Variants in STON2 observed in about 807,000 individuals in gnomAD.
STON2 encodes the protein stonin-2.
In STON2, 29 loss-of-function variants were observed where a neutral mutation model predicts 65.7. The ratio of observed to expected loss-of-function variants is 0.44; its 90% confidence interval spans 0.33 to 0.60. The LOEUF (loss-of-function observed/expected upper bound fraction) is 0.60, where lower values mean the gene tolerates loss of function less well. STON2 is among the 20% of genes least tolerant of loss of function. STON2 has a pLI of 0.03. For synonymous variants in STON2, 404 were observed against 414.2 expected (o/e 0.98, Z 0.30); for missense variants, 1,054 against 1,118.1 (o/e 0.94, Z 0.82).
chr14:81,278,788 G>A (rs1342149894), intron 5 of STON2, 49 bp from the exon 6 acceptor site: 3 of 1,433,182 alleles, frequency 2.1e-6, no homozygotes, highest in Non-Finnish European at 2.8e-6. Flanking sequence ...GGCTCTAGAG[G>A]TAAGGAAAAC....
At chr14:81,336,158 A>T (rs1897362897) in intron 4 of STON2, among the ~76,000 whole-genome samples, 2 of 152,206 alleles carry the variant, frequency 1.3e-5, no homozygotes, top group Admixed American at 6.5e-5. Flanking sequence ...TGAGATTCAA[A>T]GTTTGGCACG....
In STON2 at chr14:81,278,615, C is replaced by CTGA. The variant is rs1894976893; in HGVS notation, c.866_867insTCA (p.Trp289delinsCysGln). 2 of 1,590,674 alleles carry CTGA rather than the reference C, an allele frequency of 1.3e-6. No homozygotes were observed. The highest frequency in any genetic ancestry group is 1.7e-6 in the Non-Finnish European group (2 of 1,166,962). On this transcript the variant is annotated protein_altering_variant, in exon 6 of 8. Coordinates refer to ENST00000614646, the MANE Select transcript of STON2 (RefSeq NM_001394390.1). The stretch of plus-strand genomic sequence containing the variant: ...TGACTTCATTGTCATCAAAGGTGAC[C>CTGA]CAGCTGGGAAAACGAGCAGAGGTCA...
intron 5 of STON2, among the ~76,000 whole-genome samples, chr14:81,280,847 C>A (rs998204502): frequency 1.3e-5 from 2 of 151,926 alleles, no homozygotes; most frequent in Non-Finnish European, 1.5e-5. Context: ...CCTGTCTCTA[C>A]TAAAAATACA....
intron 2 of STON2, among the ~76,000 whole-genome samples, chr14:81,410,636 C>T (rs2139857589): frequency 6.6e-6 from 1 of 152,276 alleles, no homozygotes; most frequent in African/African-American, 2.4e-5. Context: ...GAGCAGGGAA[C>T]CCATTCAGAC....
At chr14:81,317,283 G>T (rs1028335344) in intron 5 of STON2, among the ~76,000 whole-genome samples, 2 of 152,150 alleles carry the variant, frequency 1.3e-5, no homozygotes, top group African/African-American at 4.8e-5. Flanking sequence ...CATTCATGAG[G>T]GATCTGCCCC....
intron 4 of STON2, among the ~76,000 whole-genome samples, 160 bp from the exon 5 acceptor site, chr14:81,324,347 C>A (rs1896931780): frequency 6.6e-6 from 1 of 152,252 alleles, no homozygotes; most frequent in Non-Finnish European, 1.5e-5. Flanking sequence ...TTTGTGATTA[C>A]TTCCTGAACT....
At chr14:81,361,876 C>A (rs2140341617) in intron 4 of STON2, among the ~76,000 whole-genome samples, 1 of 152,040 alleles carries the variant, frequency 6.6e-6, no homozygotes, top group African/African-American at 2.4e-5. Context: ...AAAAGACTAA[C>A]AAATATATAT....
At position 81,268,315 on chromosome 14, in the gene STON2, T is replaced by C. The variant is rs969920564; in HGVS notation, c.*99A>G. On this transcript the variant is annotated 3_prime_UTR_variant, in exon 8 of 8. Transcript: ENST00000614646. ...CAACATGCAGTGGCCACAGCAGGTA[T>C]TGACTGCAACTTCAGCTACTCAGGA... 3.5e-5 allele frequency: 44 copies of C among 1,260,922 alleles called. No individual in the cohort carries two copies. The highest frequency in any genetic ancestry group is 4.3e-5 in the Non-Finnish European group (42 of 975,976). 78.1% of individuals were successfully genotyped at this position (1,260,922 alleles called of 1,614,324 possible). A position where few individuals can be genotyped will look rare whatever the true frequency, so the allele number is the denominator to read the frequency against.
At chr14:81,418,575 C>G (rs1450193101) in intron 2 of STON2, among the ~76,000 whole-genome samples, 2 of 152,156 alleles carry the variant, frequency 1.3e-5, no homozygotes, top group African/African-American at 4.8e-5. Flanking sequence ...CAAAAAGTTA[C>G]CAGCATACAC....
chr14:81,376,493 C>T (rs150325821), intron 3 of STON2, among the ~76,000 whole-genome samples: 1,585 of 152,104 alleles, frequency 0.01, 15 homozygotes, highest in Non-Finnish European at 0.017. Flanking sequence ...ACCTTCCCAC[C>T]AGAAAAATGT....
At chr14:81,429,140 C>T (rs1902122952) in intron 1 of STON2, among the ~76,000 whole-genome samples, 3 of 152,352 alleles carry the variant, frequency 2.0e-5, no homozygotes, top group South Asian at 2.1e-4. Flanking sequence ...TGAGAGCCCC[C>T]ATGGGGCATA....
intron 4 of STON2, among the ~76,000 whole-genome samples, chr14:81,337,150 T>C (rs562188319): frequency 9.8e-5 from 15 of 152,340 alleles, no homozygotes; most frequent in African/African-American, 3.4e-4. Flanking sequence ...TCAAGTCACA[T>C]GGACCCTGGG....
At chr14:81,312,508 T>A (rs1896464242) in intron 5 of STON2, among the ~76,000 whole-genome samples, 1 of 152,194 alleles carries the variant, frequency 6.6e-6, no homozygotes, top group South Asian at 2.1e-4. Context: ...ACTTCCTCTA[T>A]AAATTGCAAA....
At chr14:81,382,428 A>G (rs1033623040) in intron 3 of STON2, among the ~76,000 whole-genome samples, 4 of 146,540 alleles carry the variant, frequency 2.7e-5, no homozygotes, top group Admixed American at 2.6e-4. Flanking sequence ...GTATTATTCC[A>G]TATATATAAA....
At chr14:81,276,361 A>G (rs2140115272) in intron 6 of STON2, among the ~76,000 whole-genome samples, 1 of 151,954 alleles carries the variant, frequency 6.6e-6, no homozygotes, top group South Asian at 2.1e-4. Flanking sequence ...GTCTGATTGA[A>G]GGCCACTTTT....
chr14:81,308,742 A>G (rs1057468098), intron 5 of STON2, among the ~76,000 whole-genome samples: 10 of 146,594 alleles, frequency 6.8e-5, no homozygotes, highest in Non-Finnish European at 1.2e-4. Flanking sequence ...AGAAATTCTC[A>G]AGAGACAACC....
intron 3 of STON2, among the ~76,000 whole-genome samples, chr14:81,390,318 A>G (rs1485194248): frequency 6.6e-6 from 1 of 152,230 alleles, no homozygotes. Flanking sequence ...TCCAGGAAGA[A>G]GCCCAGTGGA....
chr14:81,432,796 A>C (rs1902271986), intron 1 of STON2, among the ~76,000 whole-genome samples: 1 of 152,230 alleles, frequency 6.6e-6, no homozygotes, highest in African/African-American at 2.4e-5. Flanking sequence ...ACTCTTACAG[A>C]GCCTACTGCT....
intron 4 of STON2, among the ~76,000 whole-genome samples, chr14:81,337,356 T>C (rs74767023): frequency 0.029 from 4,441 of 152,304 alleles, 92 homozygotes; most frequent in South Asian, 0.086. Context: ...GAGCATCTAC[T>C]ATGTGCCAGG....
Sources: gnomAD v4.1 joint callset for allele counts (sites outside exome capture counted in the v4.1 genomes callset) on GRCh38, gnomAD v4.1.1 for gene constraint, MANE v1.5 for transcripts, NCBI Gene and HGNC (gene_info 2026-07-23, HGNC 2026-07-21) for gene names.